EVC: variants seen among roughly 807,000 people sequenced by gnomAD.
The protein encoded by EVC is EvC ciliary complex subunit 1, also known as evC complex member EVC.
EVC carries 116 observed loss-of-function variants against 118.9 expected under a neutral mutation model. That is an observed-to-expected ratio of 0.98 (90% CI 0.84 to 1.14). The LOEUF is 1.14. Ranked by LOEUF, EVC falls within the 50% of genes most tolerant of loss-of-function variation. The pLI, the probability that EVC is intolerant of heterozygous loss-of-function variation, is 0.00. For missense variants in EVC, 1,401 were observed against 1,246.4 expected, an observed-to-expected ratio of 1.12 and a Z score of -1.87; for synonymous variants, 619 against 534.7, an observed-to-expected ratio of 1.16 and a Z score of -2.18.
intron 9 of EVC, among the ~76,000 whole-genome samples, chr4:5,753,501 A>G (rs532179542): frequency 1.3e-5 from 2 of 150,120 alleles, no homozygotes; most frequent in South Asian, 4.4e-4. Context: ...CATGTGGGGC[A>G]GGAAGGGGAG....
rs566274774 is a variant in EVC, at chr4:5,761,437, G to A, written c.1563+5075G>A. On this transcript the variant is annotated intron_variant, in intron 11 of 20. Transcript: ENST00000264956. The stretch of plus-strand genomic sequence containing the variant: ...AAAAACGCAAGTCACAGACTTGGCT[G>A]TTTTTTCCAAAGAGGTTCTCAGGAG... Among the ~76,000 whole-genome samples, 13 of 117,348 alleles carry A rather than the reference G, an allele frequency of 1.1e-4. No homozygotes were observed. The East Asian group carries it at 3.8e-3, about 34-fold the overall frequency. 77.0% of individuals were successfully genotyped at this position (117,348 alleles called of 152,430 possible).
intron 4 of EVC, among the ~76,000 whole-genome samples, chr4:5,732,193 C>T (rs911291900): frequency 2.0e-5 from 3 of 152,178 alleles, no homozygotes; most frequent in African/African-American, 7.2e-5. Context: ...AGTGACGGAG[C>T]CGGATTTGAC....
intron 7 of EVC, 199 bp from the exon 8 acceptor site, chr4:5,747,949 C>T (rs959408608): frequency 1.6e-6 from 1 of 630,070 alleles, no homozygotes. Context: ...AACTGACTGA[C>T]ACTGGAACCA....
In EVC at chr4:5,813,065, AATC is replaced by A. The variant is rs1188390072; in HGVS notation, c.*2033_*2035del. The A allele has an allele frequency of 6.6e-6, 1 of 152,174 alleles. No individual in the cohort carries two copies. The highest frequency in any genetic ancestry group is 1.5e-5 in the Non-Finnish European group (1 of 68,042). The allele number at this position is 152,174 out of a possible 1,614,324, so 9.4% of individuals were successfully genotyped here. A position where few individuals can be genotyped will look rare whatever the true frequency, so the allele number is the denominator to read the frequency against. ...GACTCCTTCCCAGTGGCCAAAACTT[AATC>A]ATCAGAGCGCTTCCTTCAGTTCCTC... On this transcript the variant is annotated 3_prime_UTR_variant, in exon 21 of 21. Coordinates refer to ENST00000264956, the MANE Select transcript of EVC (RefSeq NM_153717.3).
At chr4:5,778,980 T>C (rs1253330067) in intron 11 of EVC, among the ~76,000 whole-genome samples, 7 of 152,262 alleles carry the variant, frequency 4.6e-5, no homozygotes, top group East Asian at 1.9e-4. Flanking sequence ...TTAGGTCTAA[T>C]GTTTAAGTCT....
intron 11 of EVC, among the ~76,000 whole-genome samples, chr4:5,780,073 G>T (rs1190241327): frequency 1.3e-5 from 2 of 152,148 alleles, no homozygotes; most frequent in African/African-American, 4.8e-5. Flanking sequence ...TTTTGTCAAA[G>T]GTCTTTTCTG....
In EVC at chr4:5,731,719, C is replaced by T. The variant is rs761039903; in HGVS notation, c.617+62C>T. The T allele has an allele frequency of 1.0e-5, 15 of 1,471,130 alleles. No individual in the cohort carries two copies. The highest frequency in any genetic ancestry group is 1.4e-5 in the Non-Finnish European group (15 of 1,068,006). The allele number at this position is 1,471,130 out of a possible 1,614,324, so 91.1% of individuals were successfully genotyped here. A position where few individuals can be genotyped will look rare whatever the true frequency, so the allele number is the denominator to read the frequency against. On this transcript the variant is annotated intron_variant, in intron 4 of 20. Transcript: ENST00000264956. The surrounding 1 kb of genome is among the most constrained non-coding windows in gnomAD (Gnocchi z 5.6). ...TCCTCTTGGAGTGGGCCGGGAGTCACATCATTGTCAGAGGAGGAAACAGAG... is the reference window on the plus strand; with the variant it reads ...TCCTCTTGGAGTGGGCCGGGAGTCATATCATTGTCAGAGGAGGAAACAGAG...
At chr4:5,785,892 G>A (rs1447479939) in intron 12 of EVC, among the ~76,000 whole-genome samples, 1 of 152,200 alleles carries the variant, frequency 6.6e-6, no homozygotes. Flanking sequence ...TTCATTTACA[G>A]TCTTTGGGGA....
chr4:5,777,265 A>G (rs1209955663), intron 11 of EVC, among the ~76,000 whole-genome samples: 1 of 152,188 alleles, frequency 6.6e-6, no homozygotes, highest in Non-Finnish European at 1.5e-5. Flanking sequence ...GGGCAATCTA[A>G]ATAACTTGAC....
rs774625199 is a variant in EVC, at chr4:5,748,205, A to C, written c.997A>C (p.Lys333Gln). ...CCAGCACTTTCTTGTGGACCAGTTT[A>C]AGTGTTCCAGCTCCAAAGCCCGACA... The part of the protein sequence containing the change: ...NIQHFLVDQF[K>Q]CSSSKARQLM... The change falls in exon 8 of 21, where the codon AAG becomes CAG. Residue 333 changes from lysine (K) to glutamine (Q), a missense_variant. Physicochemically the swap from Lys to Gln is moderately conservative, Grantham distance 53. Coordinates refer to ENST00000264956, the MANE Select transcript of EVC (RefSeq NM_153717.3). The C allele has an allele frequency of 6.2e-6, 10 of 1,614,086 alleles. No individual in the cohort carries two copies. The South Asian group carries it at 1.1e-4, about 18-fold the overall frequency.
intron 11 of EVC, among the ~76,000 whole-genome samples, chr4:5,778,799 A>G (rs1206889142): frequency 6.6e-6 from 1 of 151,772 alleles, no homozygotes; most frequent in African/African-American, 2.4e-5. Flanking sequence ...TTGCCTGTTC[A>G]CTCTGATGGT....
Position 5,758,196 on chromosome 4 carries a change from A to T in EVC, c.1563+1834A>T, listed in dbSNP as rs948878311. ...ACCTGCAGCCACCAAAAGCCAGAAG[A>T]GCCCAGGAAGGGCCCCTCCCAGAGC... On this transcript the variant is annotated intron_variant, in intron 11 of 20. Coordinates refer to ENST00000264956, the MANE Select transcript of EVC (RefSeq NM_153717.3). 1.4e-4 allele frequency: 99 copies of T among 697,126 alleles called. No homozygotes were observed. The African/African-American group carries it at 1.7e-3, about 12-fold the overall frequency. The allele number at this position is 697,126 out of a possible 1,614,324, so 43.2% of individuals were successfully genotyped here. A position where few individuals can be genotyped will look rare whatever the true frequency, so the allele number is the denominator to read the frequency against.
chr4:5,778,892 G>A (rs1427121699), intron 11 of EVC, among the ~76,000 whole-genome samples: 1 of 152,026 alleles, frequency 6.6e-6, no homozygotes, highest in Non-Finnish European at 1.5e-5. Flanking sequence ...TGCTTTTGGT[G>A]TTTTAGACAT....
At chr4:5,788,058 T>G (rs1402256642) in intron 12 of EVC, among the ~76,000 whole-genome samples, 1 of 152,142 alleles carries the variant, frequency 6.6e-6, no homozygotes, top group Non-Finnish European at 1.5e-5. Context: ...TTCTGAACAC[T>G]GGAGAGCCCT....
chr4:5,757,311 A>G (rs1577457623), intron 11 of EVC, among the ~76,000 whole-genome samples: 1 of 152,202 alleles, frequency 6.6e-6, no homozygotes, highest in South Asian at 2.1e-4. Flanking sequence ...TGCTGAGCCA[A>G]GCATTGGATG....
the EVC span, chr4:5,825,889 A>AC: frequency 1.2e-5 from 6 of 513,666 alleles, no homozygotes; most frequent in African/African-American, 6.1e-5. The surrounding 1 kb of genome is among the most constrained non-coding windows in gnomAD (Gnocchi z 4.4). Context: ...ACCCACATGC[A>AC]TACACATACA....
At chr4:5,821,867 A>G in the EVC span, 2 of 1,543,792 alleles carry the variant, frequency 1.3e-6, no homozygotes, top group Non-Finnish European at 1.7e-6. The surrounding 1 kb of genome is among the most constrained non-coding windows in gnomAD (Gnocchi z 4.4). Flanking sequence ...AGAGAGCGCC[A>G]ATCGCTGCTG....
rs567672255 is a variant in EVC, at chr4:5,752,614, C to T, written c.1099-222C>T. On this transcript the variant is annotated intron_variant, in intron 8 of 20. Transcript: ENST00000264956. ...GACTAAGTGCCTACATGCTAAGCTGCGTCAGCCTCCCCGCACCCTAGGAGA... is the reference window on the plus strand; with the variant it reads ...GACTAAGTGCCTACATGCTAAGCTGTGTCAGCCTCCCCGCACCCTAGGAGA... 133 of 617,452 alleles carry T rather than the reference C, an allele frequency of 2.2e-4. 1 individual carries two copies. The highest frequency in any genetic ancestry group is 1.3e-3 in the Middle Eastern group (3 of 2,264). 38.2% of individuals were successfully genotyped at this position (617,452 alleles called of 1,614,324 possible).
At chr4:5,828,938 C>T in the EVC span, among the ~76,000 whole-genome samples, 5 of 152,012 alleles carry the variant, frequency 3.3e-5, no homozygotes, top group East Asian at 1.9e-4. Flanking sequence ...GGGGGTCCCC[C>T]GGGGTTATGC....
Sources: allele counts gnomAD v4.1 joint callset (sites outside exome capture counted in the v4.1 genomes callset), GRCh38; gene constraint gnomAD v4.1.1; non-coding constraint Gnocchi (gnomAD v3.1); transcripts MANE v1.5; gene names NCBI Gene and HGNC (gene_info 2026-07-23, HGNC 2026-07-21).